Variants in ARRB1 observed in about 807,000 individuals in gnomAD.
ARRB1 encodes arrestin beta 1, also known as beta-arrestin-1.
Under a neutral mutation model 56.8 loss-of-function variants are expected in ARRB1, and 21 were observed. The ratio of observed to expected loss-of-function variants is 0.37; its 90% CI spans 0.26 to 0.53. The LOEUF (loss-of-function observed/expected upper bound fraction) is 0.53. Ranked by LOEUF, ARRB1 falls within the 20% of genes least tolerant of loss-of-function variation. The probability of loss-of-function intolerance (pLI) is 0.88; values close to 1 mark genes in which losing one functional copy is unlikely to be tolerated. For missense variants in ARRB1, 424 were observed against 553.7 expected (o/e 0.77, Z 2.35); for synonymous variants, 210 against 218.6 (o/e 0.96, Z 0.35).
chr11:75,329,007 T>C (rs1379588958), intron 1 of ARRB1, among the ~76,000 whole-genome samples: 2 of 151,512 alleles, frequency 1.3e-5, no homozygotes, highest in Non-Finnish European at 2.9e-5. Context: ...GGGTTTCCCA[T>C]GCAAATTGGT....
chr11:75,331,669 CCCCA>C (rs1316562367), intron 1 of ARRB1, among the ~76,000 whole-genome samples: 2 of 151,554 alleles, frequency 1.3e-5, no homozygotes, highest in Admixed American at 1.3e-4. Flanking sequence ...TATAAAACGG[CCCCA>C]CCCCTATCCC....
intron 6 of ARRB1, 180 bp downstream of exon 6, chr11:75,281,782 C>T: frequency 3.1e-6 from 2 of 635,362 alleles, no homozygotes; most frequent in South Asian, 2.0e-5. Flanking sequence ...TGACCCCGTA[C>T]CTGCTGCCCT....
At chr11:75,274,008 A>G in intron 11 of ARRB1, 66 bp downstream of exon 11, 1 of 1,608,020 alleles carries the variant, frequency 6.2e-7, no homozygotes, top group Non-Finnish European at 8.5e-7. Flanking sequence ...TGGGGGGACC[A>G]AGGAGGGTGT....
intron 15 of ARRB1, among the ~76,000 whole-genome samples, chr11:75,266,674 C>T (rs994233199): frequency 6.6e-6 from 1 of 152,156 alleles, no homozygotes; most frequent in Non-Finnish European, 1.5e-5. Context: ...TGTTCTGAAT[C>T]CCCCAAGAAT....
chr11:75,277,028 G>A (rs972059021), intron 9 of ARRB1, 117 bp from the exon 10 acceptor site: 6 of 980,998 alleles, frequency 6.1e-6, no homozygotes, highest in Admixed American at 3.9e-5. Flanking sequence ...GGCCACCAGT[G>A]GGGACTTCTG....
At chr11:75,275,116 A>ATTTTTTATTTTATTTT (rs1257066994) in intron 10 of ARRB1, among the ~76,000 whole-genome samples, 3 of 53,628 alleles carry the variant, frequency 5.6e-5, no homozygotes, top group African/African-American at 2.1e-4. Context: ...AAACAAATTT[A>ATTTTTTATTTTATTTT]ATTTAAATTT....
chr11:75,329,651 C>A (rs1591981263), intron 1 of ARRB1, among the ~76,000 whole-genome samples: 2 of 152,112 alleles, frequency 1.3e-5, no homozygotes, highest in Admixed American at 6.6e-5. Flanking sequence ...GTTAATGGGA[C>A]CATCCTCAGA....
intron 1 of ARRB1, among the ~76,000 whole-genome samples, chr11:75,336,490 T>C (rs1420272418): frequency 1.3e-5 from 2 of 152,154 alleles, no homozygotes; most frequent in Non-Finnish European, 2.9e-5. Flanking sequence ...ACTCCTGTCC[T>C]TCACTAATGC....
intron 1 of ARRB1, among the ~76,000 whole-genome samples, chr11:75,325,818 A>G (rs1947423287): frequency 6.6e-6 from 1 of 151,928 alleles, no homozygotes; most frequent in African/African-American, 2.4e-5. Context: ...GACCTCACTA[A>G]CCTTGTGCGT....
chr11:75,276,779 A>C, intron 10 of ARRB1, 60 bp downstream of exon 10: 2 of 1,566,078 alleles, frequency 1.3e-6, no homozygotes, highest in Non-Finnish European at 1.8e-6. Flanking sequence ...CAGGACACCT[A>C]GAGCTTCTCT....
chr11:75,271,687 A>G lies in ARRB1; in HGVS notation c.1022+14T>C, dbSNP rs754840432. The stretch of plus-strand genomic sequence containing the variant: ...CAGGAAGGTGGGTGAACCAGGTGGA[A>G]GGGAGGAATTTACCTGGATGCAAGA... On this transcript the variant is annotated intron_variant, in intron 13 of 15. Transcript: ENST00000420843. 1.3e-4 allele frequency: 210 copies of G among 1,563,486 alleles called. No individual in the cohort carries two copies. The highest frequency in any genetic ancestry group is 1.7e-4 in the Non-Finnish European group (192 of 1,153,792).
At chr11:75,293,111 A>C (rs1946646816) in intron 1 of ARRB1, among the ~76,000 whole-genome samples, 1 of 152,152 alleles carries the variant, frequency 6.6e-6, no homozygotes, top group African/African-American at 2.4e-5. Flanking sequence ...TGTGGCCAGC[A>C]GTGGGGAATG....
chr11:75,348,021 C>A lies in ARRB1; in HGVS notation c.20+3567G>T, dbSNP rs145797917. Among the ~76,000 whole-genome samples, 12 of 152,342 alleles carry A rather than the reference C, an allele frequency of 7.9e-5. No individual in the cohort carries two copies. In the East Asian group the frequency reaches 2.3e-3, roughly 29 times the overall value. ...CTACTTGGCGCTGCCAAAGACATCT[C>A]TCTGAAATGAAAACATCTGCTTCCA... On this transcript the variant is annotated intron_variant, in intron 1 of 15. Transcript: ENST00000420843.
At position 75,327,598 on chromosome 11, in the gene ARRB1, TG is replaced by T. The variant is rs1268461029; in HGVS notation, c.20+23989del. Among the ~76,000 whole-genome samples the T allele has an allele frequency of 5.7e-5, 5 of 88,480 alleles. No individual in the cohort carries two copies. In the East Asian group the frequency reaches 1.3e-3, roughly 22 times the overall value. 58.0% of individuals were successfully genotyped at this position (88,480 alleles called of 152,430 possible). The stretch of plus-strand genomic sequence containing the variant: ...TTTGTTTTGTTTTGTTTTTTGTTTT[TG>T]TTTTTTTTTTTTGAGTCTTGCTCTT... On this transcript the variant is annotated intron_variant, in intron 1 of 15. Transcript: ENST00000420843.
intron 1 of ARRB1, among the ~76,000 whole-genome samples, chr11:75,312,523 T>G (rs915814936): frequency 4.1e-4 from 62 of 152,194 alleles, no homozygotes; most frequent in African/African-American, 1.4e-3. Flanking sequence ...AAGGTGTGTG[T>G]GGTAGGCTGA....
At chr11:75,308,676 C>T (rs1458907511) in intron 1 of ARRB1, among the ~76,000 whole-genome samples, 8 of 151,524 alleles carry the variant, frequency 5.3e-5, no homozygotes, top group South Asian at 4.2e-4. Flanking sequence ...ACCTGGGAGA[C>T]GGAGGTTGCA....
chr11:75,331,661 T>C (rs367554507), intron 1 of ARRB1, among the ~76,000 whole-genome samples: 1 of 150,936 alleles, frequency 6.6e-6, no homozygotes, highest in Non-Finnish European at 1.5e-5. Flanking sequence ...GCAAATCTTA[T>C]AAAACGGCCC....
At chr11:75,316,912 A>G (rs1947274885) in intron 1 of ARRB1, among the ~76,000 whole-genome samples, 1 of 152,076 alleles carries the variant, frequency 6.6e-6, no homozygotes, top group Admixed American at 6.6e-5. Flanking sequence ...CTAATAATAC[A>G]AAAATTAGCC....
chr11:75,323,190 C>T (rs1306646659), intron 1 of ARRB1, among the ~76,000 whole-genome samples: 1 of 152,228 alleles, frequency 6.6e-6, no homozygotes, highest in African/African-American at 2.4e-5. Flanking sequence ...CAGAACTGCC[C>T]AGCGGAGCTC....
Sources: gnomAD v4.1 joint callset for allele counts (sites outside exome capture counted in the v4.1 genomes callset) on GRCh38, gnomAD v4.1.1 for gene constraint, MANE v1.5 for transcripts, NCBI Gene and HGNC (gene_info 2026-07-23, HGNC 2026-07-21) for gene names.